The following ZNF385D variants were observed in gnomAD, a reference collection of about 807,000 sequenced individuals.
ZNF385D encodes zinc finger protein 659.
A neutral mutation model predicts 35.8 loss-of-function variants in ZNF385D; 15 were observed. The ratio of observed to expected loss-of-function variants is 0.42; its 90% CI spans 0.28 to 0.64. The LOEUF (loss-of-function observed/expected upper bound fraction) is 0.64. ZNF385D is among the 30% of genes least tolerant of loss of function. The pLI is 0.23. For missense variants in ZNF385D, 474 were observed against 494.6 expected (o/e 0.96, Z 0.39); for synonymous variants, 212 against 186.8 (o/e 1.13, Z -1.10).
At position 21,465,848 on chromosome 3, in the gene ZNF385D, A is replaced by C. The variant is rs1703477086; in HGVS notation, c.440-28645T>G. ...AGATGCCCTTCCTGCAGGCTGACCC[A>C]CTCTCAGGCTACACAACACTCATTC... is the stretch of plus-strand genomic sequence containing the variant. On this transcript the variant is annotated intron_variant, in intron 4 of 7. Coordinates refer to ENST00000281523, the MANE Select transcript of ZNF385D (RefSeq NM_024697.3). The surrounding 1 kb of genome is among the most constrained non-coding windows in gnomAD (Gnocchi z 4.2). Among the ~76,000 whole-genome samples, 1 of 152,102 alleles carries C rather than the reference A, an allele frequency of 6.6e-6. No homozygotes were observed. The highest frequency in any genetic ancestry group is 2.4e-5 in the African/African-American group (1 of 41,416).
chr3:22,198,043 T>C (rs1559446152), intron 2 of ZNF385D, among the ~76,000 whole-genome samples: 3 of 152,108 alleles, frequency 2.0e-5, no homozygotes, highest in African/African-American at 7.2e-5. Context: ...AACACATATG[T>C]ATTCATTAAT....
chr3:22,009,807 A>T (rs1269739915), intron 3 of ZNF385D, among the ~76,000 whole-genome samples: 2 of 152,066 alleles, frequency 1.3e-5, no homozygotes, highest in Non-Finnish European at 2.9e-5. Flanking sequence ...TTGATAGTCA[A>T]GGGTCATCAG....
intron 3 of ZNF385D, among the ~76,000 whole-genome samples, chr3:21,907,952 A>T (rs1302436343): frequency 6.6e-6 from 1 of 152,126 alleles, no homozygotes; most frequent in Admixed American, 6.6e-5. Flanking sequence ...AAGGATAAGC[A>T]AACTATAGAA....
chr3:21,498,740 G>A (rs909750934), intron 4 of ZNF385D, among the ~76,000 whole-genome samples: 3 of 151,888 alleles, frequency 2.0e-5, no homozygotes, highest in East Asian at 1.9e-4. Flanking sequence ...TCAAGAGATC[G>A]AGACCATCCT....
At chr3:21,838,854 G>A (rs773870790) in intron 3 of ZNF385D, among the ~76,000 whole-genome samples, 1 of 152,014 alleles carries the variant, frequency 6.6e-6, no homozygotes, top group Non-Finnish European at 1.5e-5. Context: ...TGTGAGAAAA[G>A]ATGCTTCTTA....
At chr3:21,459,598 G>A (rs531103897) in intron 4 of ZNF385D, 81 of 152,252 alleles carry the variant, frequency 5.3e-4, no homozygotes, top group African/African-American at 1.9e-3. Context: ...TGGCCAGTCA[G>A]GACATGCTCT....
At chr3:21,967,862 A>T (rs1702997818) in intron 3 of ZNF385D, among the ~76,000 whole-genome samples, 1 of 152,226 alleles carries the variant, frequency 6.6e-6, no homozygotes, top group Non-Finnish European at 1.5e-5. Flanking sequence ...AGGAGCACCA[A>T]ATTGATTGAC....
chr3:21,988,916 G>A (rs577088454), intron 3 of ZNF385D, among the ~76,000 whole-genome samples: 44 of 152,272 alleles, frequency 2.9e-4, no homozygotes, highest in African/African-American at 1.0e-3. Context: ...TATTCGGGTG[G>A]GAGTGACCCG....
At chr3:21,941,143 A>C (rs1019188789) in intron 3 of ZNF385D, among the ~76,000 whole-genome samples, 3 of 152,152 alleles carry the variant, frequency 2.0e-5, no homozygotes, top group Admixed American at 6.5e-5. Context: ...CACTATTTCT[A>C]TTGTATGGTG....
intron 3 of ZNF385D, among the ~76,000 whole-genome samples, chr3:21,514,399 C>A (rs1423345703): frequency 6.6e-6 from 1 of 152,072 alleles, no homozygotes; most frequent in Non-Finnish European, 1.5e-5. Flanking sequence ...AAGATTTGAG[C>A]TTTAACAGCT....
At chr3:22,210,569 A>C (rs1319486854) in intron 2 of ZNF385D, among the ~76,000 whole-genome samples, 1 of 151,932 alleles carries the variant, frequency 6.6e-6, no homozygotes, top group Admixed American at 6.6e-5. Context: ...GATCTGAAAG[A>C]GTCTCCAATC....
intron 2 of ZNF385D, among the ~76,000 whole-genome samples, chr3:21,586,040 TACACACAC>T (rs10571982): frequency 7.4e-6 from 1 of 135,768 alleles, no homozygotes; most frequent in Non-Finnish European, 1.7e-5. Flanking sequence ...TACAAATACA[TACACACAC>T]ACACACACAC....
At chr3:22,300,789 A>T (rs1194447520) in intron 2 of ZNF385D, among the ~76,000 whole-genome samples, 1 of 151,962 alleles carries the variant, frequency 6.6e-6, no homozygotes. Flanking sequence ...CAAAAGATAA[A>T]AGTTGGTAAT....
chr3:22,044,542 G>C (rs1004113596), intron 3 of ZNF385D, among the ~76,000 whole-genome samples: 3 of 152,094 alleles, frequency 2.0e-5, no homozygotes, highest in African/African-American at 7.2e-5. Flanking sequence ...TAAAAAGCAG[G>C]AGATATTATA....
At chr3:22,033,789 G>A (rs991628841) in intron 3 of ZNF385D, among the ~76,000 whole-genome samples, 2 of 152,136 alleles carry the variant, frequency 1.3e-5, no homozygotes, top group Non-Finnish European at 2.9e-5. Context: ...GACTGTAGTA[G>A]GTTACACTGG....
intron 3 of ZNF385D, among the ~76,000 whole-genome samples, chr3:21,517,863 A>C (rs1242208885): frequency 6.6e-6 from 1 of 152,146 alleles, no homozygotes; most frequent in African/African-American, 2.4e-5. Flanking sequence ...TTCATTTAAC[A>C]TTCATATAAA....
At chr3:21,532,685 A>G (rs1386280690) in intron 3 of ZNF385D, among the ~76,000 whole-genome samples, 3 of 148,236 alleles carry the variant, frequency 2.0e-5, no homozygotes, top group Non-Finnish European at 4.4e-5. Context: ...TATTTCCAAA[A>G]AAAAAAAAAC....
chr3:22,060,980 ATAAC>A (rs1434770257), intron 3 of ZNF385D, among the ~76,000 whole-genome samples: 1 of 152,150 alleles, frequency 6.6e-6, no homozygotes, highest in Non-Finnish European at 1.5e-5. Context: ...TTTTTACTAA[ATAAC>A]TGTTAAATAA....
At chr3:22,070,205 C>G (rs1700161784) in intron 3 of ZNF385D, among the ~76,000 whole-genome samples, 1 of 152,098 alleles carries the variant, frequency 6.6e-6, no homozygotes, top group South Asian at 2.1e-4. Flanking sequence ...TAATTTAAAT[C>G]AGTGGCCCCA....
Sources: gnomAD v4.1 joint callset for allele counts (sites outside exome capture counted in the v4.1 genomes callset) on GRCh38, gnomAD v4.1.1 for gene constraint, Gnocchi (gnomAD v3.1) non-coding constraint, MANE v1.5 for transcripts, NCBI Gene and HGNC (gene_info 2026-07-23, HGNC 2026-07-21) for gene names.